Variants in PARP8 observed in about 807,000 individuals in gnomAD.
The protein encoded by PARP8 is protein mono-ADP-ribosyltransferase PARP8.
PARP8 carries 51 observed loss-of-function variants against 124.1 expected under a neutral mutation model. The ratio of observed to expected loss-of-function variants is 0.41; its 90% CI spans 0.33 to 0.52. The LOEUF is 0.52. Ranked by LOEUF, PARP8 falls within the 20% of genes least tolerant of loss-of-function variation. PARP8 has a pLI of 0.21. For synonymous variants in PARP8, 391 were observed against 361.5 expected (o/e 1.08, Z -0.93); for missense variants, 860 against 1,018.9 (o/e 0.84, Z 2.12).
Position 50,810,985 on chromosome 5 carries a change from T to C in PARP8, c.1576-4447T>C, listed in dbSNP as rs7721056. Among the ~76,000 whole-genome samples, 651 of 152,230 alleles carry C rather than the reference T, an allele frequency of 4.3e-3. 3 individuals are homozygous for C. The highest frequency in any genetic ancestry group is 0.015 in the African/African-American group (605 of 41,554). Reference sequence around the variant, plus strand: ...TACTTTTACTTCTCGTTTTTTAGTATGATGGCAAAGTGTTTTGGTTTTTGT... The same window carrying C: ...TACTTTTACTTCTCGTTTTTTAGTACGATGGCAAAGTGTTTTGGTTTTTGT... On this transcript the variant is annotated intron_variant, in intron 14 of 25. Transcript: ENST00000281631.
intron 2 of PARP8, among the ~76,000 whole-genome samples, chr5:50,675,490 C>T (rs763334693): frequency 1.3e-5 from 2 of 152,038 alleles, no homozygotes; most frequent in Admixed American, 6.6e-5. Context: ...TATTCTTAGT[C>T]GAGACGGGAA....
At chr5:50,681,865 G>C (rs1751331276) in intron 2 of PARP8, among the ~76,000 whole-genome samples, 1 of 152,088 alleles carries the variant, frequency 6.6e-6, no homozygotes, top group Non-Finnish European at 1.5e-5. Flanking sequence ...TACTTTTTCA[G>C]CTTGTTGCTT....
intron 25 of PARP8, among the ~76,000 whole-genome samples, chr5:50,837,398 G>C (rs1348399925): frequency 6.6e-6 from 1 of 152,132 alleles, no homozygotes; most frequent in Non-Finnish European, 1.5e-5. Flanking sequence ...TCTATTAGTA[G>C]TGAGCCACCC....
chr5:50,746,882 A>G (rs898531984), intron 2 of PARP8, among the ~76,000 whole-genome samples: 14 of 152,224 alleles, frequency 9.2e-5, no homozygotes, highest in South Asian at 6.2e-4. Flanking sequence ...AAAATAAATT[A>G]GCTGTATGTG....
At chr5:50,761,614 G>T (rs1301783519) in intron 5 of PARP8, among the ~76,000 whole-genome samples, 4 of 151,898 alleles carry the variant, frequency 2.6e-5, no homozygotes, top group African/African-American at 9.7e-5. Flanking sequence ...CAGTGAAAGA[G>T]AACTTTTAAA....
rs1441245672 is a variant in PARP8, at chr5:50,842,869, T to A, written c.*801T>A. ...TTTGTCTGAAGAAATTCAGCCCTTT[T>A]AAAATGTTATCTAAAAGTCATAATT... On this transcript the variant is annotated 3_prime_UTR_variant, in exon 26 of 26. Transcript: ENST00000281631. 6.6e-6 allele frequency: 1 copy of A among 151,736 alleles called. No homozygotes were observed. The highest frequency in any genetic ancestry group is 1.5e-5 in the Non-Finnish European group (1 of 67,788). 9.4% of individuals were successfully genotyped at this position (151,736 alleles called of 1,614,324 possible). A position where few individuals can be genotyped will look rare whatever the true frequency, so the allele number is the denominator to read the frequency against.
Position 50,667,707 on chromosome 5 carries a change from C to G in PARP8, c.92-364C>G, listed in dbSNP as rs191564495. 1,305 of 699,978 alleles carry G rather than the reference C, an allele frequency of 1.9e-3. 11 individuals carry two copies. The African/African-American group carries it at 0.019, about 10-fold the overall frequency. The allele number at this position is 699,978 out of a possible 1,614,324, so 43.4% of individuals were successfully genotyped here. On this transcript the variant is annotated intron_variant, in intron 1 of 25. Coordinates refer to ENST00000281631, the MANE Select transcript of PARP8 (RefSeq NM_024615.4). ...TCCGACTGGCAAAGAGAAGGGATTC[C>G]TCGGATTCCCAAGGCACCCAGCGCC...
At chr5:50,706,224 G>GT (rs925099206) in intron 2 of PARP8, among the ~76,000 whole-genome samples, 6 of 151,606 alleles carry the variant, frequency 4.0e-5, no homozygotes, top group African/African-American at 1.5e-4. Flanking sequence ...GTGAGTTTGG[G>GT]TTTTTTTCAG....
At position 50,842,559 on chromosome 5, in the gene PARP8, A is replaced by G. The variant is rs1561458914; in HGVS notation, c.*491A>G. ...TTTTGGAAGGGGTGTTCCCTATTCT[A>G]TTTTTCTTCATAAAAAAAGAAGTAG... On this transcript the variant is annotated 3_prime_UTR_variant, in exon 26 of 26. Coordinates refer to ENST00000281631, the MANE Select transcript of PARP8 (RefSeq NM_024615.4). 6.6e-6 allele frequency: 1 copy of G among 152,494 alleles called. No individual in the cohort carries two copies. The highest frequency in any genetic ancestry group is 2.4e-5 in the African/African-American group (1 of 41,356). 9.4% of individuals were successfully genotyped at this position (152,494 alleles called of 1,614,324 possible). A position where few individuals can be genotyped will look rare whatever the true frequency, so the allele number is the denominator to read the frequency against.
chr5:50,726,921 T>C (rs1191203324), intron 2 of PARP8, among the ~76,000 whole-genome samples: 4 of 152,210 alleles, frequency 2.6e-5, no homozygotes, highest in South Asian at 2.1e-4. Flanking sequence ...ATTAATTCTT[T>C]TTGTGGAAAT....
In PARP8 at chr5:50,820,839, A is replaced by C. The variant is rs113938667; in HGVS notation, c.1669-374A>C. ...AACATTTAACAGTATCAGAAATTCT[A>C]TTGAAGCATCTATTTGTTTAACTGA... is the stretch of plus-strand genomic sequence containing the variant. On this transcript the variant is annotated intron_variant, in intron 15 of 25. Transcript: ENST00000281631. 1.4e-3 allele frequency among the ~76,000 whole-genome samples: 211 copies of C among 152,316 alleles called. 1 individual carries two copies. The highest frequency in any genetic ancestry group is 5.0e-3 in the African/African-American group (209 of 41,576).
intron 14 of PARP8, among the ~76,000 whole-genome samples, chr5:50,806,239 G>A (rs1258818901): frequency 6.6e-6 from 1 of 151,978 alleles, no homozygotes; most frequent in East Asian, 1.9e-4. Context: ...GTAAGTAATA[G>A]AGATAGGATT....
chr5:50,797,390 T>C (rs1742679051), intron 14 of PARP8, among the ~76,000 whole-genome samples, 157 bp downstream of exon 14: 1 of 152,242 alleles, frequency 6.6e-6, no homozygotes, highest in Admixed American at 6.5e-5. Context: ...GTATTACTTC[T>C]AAAGTAGCCT....
chr5:50,830,983 CTAATT>C (rs1561444341), intron 22 of PARP8, among the ~76,000 whole-genome samples: 1 of 151,992 alleles, frequency 6.6e-6, no homozygotes, highest in Non-Finnish European at 1.5e-5. Context: ...AGAGAACTAC[CTAATT>C]TATTTACCAA....
At chr5:50,792,716 G>A (rs955664018) in intron 10 of PARP8, among the ~76,000 whole-genome samples, 2 of 151,938 alleles carry the variant, frequency 1.3e-5, no homozygotes, top group African/African-American at 2.4e-5. Flanking sequence ...AATGTTTCTC[G>A]TGCTGACTGA....
intron 7 of PARP8, among the ~76,000 whole-genome samples, chr5:50,767,275 T>C (rs951402055): frequency 6.6e-6 from 1 of 152,210 alleles, no homozygotes; most frequent in African/African-American, 2.4e-5. Context: ...CCTACATAGA[T>C]GTATATCATT....
At chr5:50,740,316 G>C (rs1183058086) in intron 2 of PARP8, among the ~76,000 whole-genome samples, 1 of 152,146 alleles carries the variant, frequency 6.6e-6, no homozygotes, top group African/African-American at 2.4e-5. Context: ...ATTGAGAACT[G>C]AAGGATGAGA....
chr5:50,788,673 A>ACCT (rs1741592323), intron 10 of PARP8, 84 bp downstream of exon 10: 1 of 1,044,696 alleles, frequency 9.6e-7, no homozygotes, highest in African/African-American at 3.0e-5. Flanking sequence ...ACAAACAAAA[A>ACCT]CCTATTCAGT....
chr5:50,796,318 AAAATT>A (rs1742550175), intron 12 of PARP8, among the ~76,000 whole-genome samples: 1 of 152,218 alleles, frequency 6.6e-6, no homozygotes, highest in Non-Finnish European at 1.5e-5. Flanking sequence ...GTTTATTTCT[AAAATT>A]AAATTATAAA....
Sources: gnomAD v4.1 joint callset for allele counts (sites outside exome capture counted in the v4.1 genomes callset) on GRCh38, gnomAD v4.1.1 for gene constraint, MANE v1.5 for transcripts, NCBI Gene and HGNC (gene_info 2026-07-23, HGNC 2026-07-21) for gene names.